The following TTC28 variants were observed in gnomAD, a reference collection of about 807,000 sequenced individuals.
TTC28 encodes tetratricopeptide repeat protein 28.
In TTC28, 61 loss-of-function variants were observed where a neutral mutation model predicts 198.0. That is an observed-to-expected ratio of 0.31 (90% confidence interval 0.25 to 0.38). The LOEUF (loss-of-function observed/expected upper bound fraction) is 0.38. Ranked by LOEUF, TTC28 falls within the 10% of genes least tolerant of loss-of-function variation. The pLI is 1.00. For synonymous variants in TTC28, 1,171 were observed against 1,297.8 expected (o/e 0.90, Z 2.10); for missense variants, 2,678 against 3,164.0 (o/e 0.85, Z 3.69).
At chr22:28,228,942 G>A (rs1027095353) in intron 5 of TTC28, among the ~76,000 whole-genome samples, 1 of 151,842 alleles carries the variant, frequency 6.6e-6, no homozygotes, top group African/African-American at 2.4e-5. Context: ...AGATCACAAG[G>A]TCAGGAGATC....
chr22:28,121,460 C>T (rs750623068), intron 6 of TTC28, among the ~76,000 whole-genome samples: 13 of 152,170 alleles, frequency 8.5e-5, no homozygotes, highest in East Asian at 1.9e-4. Context: ...CTTACAGCAA[C>T]GAGTGAGGAC....
At chr22:28,224,892 T>A (rs1001828457) in intron 5 of TTC28, among the ~76,000 whole-genome samples, 5 of 152,138 alleles carry the variant, frequency 3.3e-5, no homozygotes, top group Admixed American at 6.6e-5. Flanking sequence ...AATATGTTCA[T>A]AATGATTGTC....
At position 27,983,595 on chromosome 22, in the gene TTC28, G is replaced by C; in HGVS notation, c.6072C>G (p.Asp2024Glu). 1 of 1,549,796 alleles carries C rather than the reference G, an allele frequency of 6.5e-7. No homozygotes were observed. The highest frequency in any genetic ancestry group is 8.7e-7 in the Non-Finnish European group (1 of 1,146,226). ...GGGPGGRQDH[D>E]RSKNAYLQRS... is the part of the protein sequence containing the mutation. ...TCTGCAGGTAAGCGTTCTTGGACCG[G>C]TCATGGTCCTGCCGTCCTCCGGGGC... is the stretch of plus-strand genomic sequence containing the variant. The change falls in exon 23 of 23, where the codon GAC becomes GAG. Residue 2024 changes from aspartate (D) to glutamate (E), a missense_variant. Asp to Glu is a conservative substitution (Grantham distance 45, BLOSUM62 2). Around this residue, in one of 8 missense-constraint regions of TTC28, gnomAD observed 622 missense variants for 656.0 expected, o/e 0.95. Transcript: ENST00000397906.
At chr22:28,080,525 T>C (rs1941307890) in intron 12 of TTC28, among the ~76,000 whole-genome samples, 1 of 147,664 alleles carries the variant, frequency 6.8e-6, no homozygotes, top group Admixed American at 6.8e-5. Context: ...CATTTTTAAA[T>C]TGGATTTTGT....
intron 5 of TTC28, among the ~76,000 whole-genome samples, chr22:28,233,602 C>A (rs1002131012): frequency 6.6e-6 from 1 of 152,228 alleles, no homozygotes; most frequent in East Asian, 1.9e-4. Context: ...ACAGACTCAC[C>A]AGCAATACAT....
At chr22:28,538,880 G>C (rs2049353221) in intron 2 of TTC28, among the ~76,000 whole-genome samples, 1 of 151,872 alleles carries the variant, frequency 6.6e-6, no homozygotes, top group Non-Finnish European at 1.5e-5. Context: ...TTTTTATTTG[G>C]AACTATGTGC....
At position 28,013,696 on chromosome 22, in the gene TTC28, G is replaced by A. The variant is rs149444350; in HGVS notation, c.4218+552C>T. On this transcript the variant is annotated intron_variant, in intron 14 of 22. Transcript: ENST00000397906. ...TGGGGAAGCATTCATTCCCAGTAGG[G>A]TGTGGGCGCAAGGTGCAAAGAAGCC... Among the ~76,000 whole-genome samples the A allele has an allele frequency of 9.8e-4, 149 of 152,292 alleles. 1 individual carries two copies. The highest frequency in any genetic ancestry group is 3.4e-3 in the African/African-American group (142 of 41,548).
chr22:28,320,525 C>A (rs1278374992), intron 2 of TTC28, among the ~76,000 whole-genome samples: 1 of 152,156 alleles, frequency 6.6e-6, no homozygotes, highest in East Asian at 1.9e-4. Flanking sequence ...GCATTTTAGT[C>A]TTTTCTTTGG....
chr22:28,264,103 A>G (rs952700524), intron 5 of TTC28, among the ~76,000 whole-genome samples: 1 of 152,126 alleles, frequency 6.6e-6, no homozygotes, highest in African/African-American at 2.4e-5. Flanking sequence ...TCTCATCTTG[A>G]ATTATAGCTC....
chr22:28,405,856 C>T (rs530738932), intron 2 of TTC28, among the ~76,000 whole-genome samples: 2 of 152,364 alleles, frequency 1.3e-5, no homozygotes, highest in East Asian at 3.9e-4. Context: ...GAATACACCA[C>T]TTCATTTGCA....
chr22:28,577,771 T>C (rs576695393), intron 2 of TTC28, among the ~76,000 whole-genome samples: 1 of 152,300 alleles, frequency 6.6e-6, no homozygotes, highest in East Asian at 1.9e-4. Flanking sequence ...TTGTCTGATA[T>C]AAATATAGCT....
intron 5 of TTC28, among the ~76,000 whole-genome samples, chr22:28,226,738 T>A (rs1280214612): frequency 6.6e-6 from 1 of 152,220 alleles, no homozygotes; most frequent in Non-Finnish European, 1.5e-5. Context: ...ATGTTGAGCA[T>A]TTTTTAATGT....
chr22:28,213,987 C>A (rs1355880146), intron 5 of TTC28, among the ~76,000 whole-genome samples: 5 of 152,116 alleles, frequency 3.3e-5, no homozygotes, highest in Admixed American at 6.5e-5. Flanking sequence ...ATATCTACAA[C>A]CATCTGATCT....
chr22:28,101,802 AAAAAAAAAAAG>A (rs1162260980), intron 8 of TTC28, among the ~76,000 whole-genome samples: 1 of 150,794 alleles, frequency 6.6e-6, no homozygotes, highest in African/African-American at 2.4e-5. Context: ...AAAAAAAAAA[AAAAAAAAAAAG>A]AATACTAACA....
chr22:28,024,415 G>A (rs1311256521), intron 13 of TTC28, among the ~76,000 whole-genome samples: 4 of 152,158 alleles, frequency 2.6e-5, no homozygotes, highest in Non-Finnish European at 5.9e-5. Flanking sequence ...AGGGTGGGGG[G>A]AAAATGGAAC....
chr22:28,232,620 C>G (rs1928897880), intron 5 of TTC28: 1 of 152,328 alleles, frequency 6.6e-6, no homozygotes, highest in East Asian at 1.9e-4. Context: ...AAAACCACAA[C>G]TCAATGTAAT....
At chr22:28,278,932 G>C (rs2044525978) in intron 5 of TTC28, among the ~76,000 whole-genome samples, 1 of 152,140 alleles carries the variant, frequency 6.6e-6, no homozygotes, top group Non-Finnish European at 1.5e-5. Context: ...TTGTGAAGTG[G>C]TTTTCTTTTC....
At chr22:28,469,217 G>A (rs750118455) in intron 2 of TTC28, among the ~76,000 whole-genome samples, 11 of 152,134 alleles carry the variant, frequency 7.2e-5, no homozygotes, top group Non-Finnish European at 1.5e-4. Flanking sequence ...TTGTTAGTCC[G>A]AAGTATTCTC....
chr22:28,560,274 T>C (rs995640830), intron 2 of TTC28, among the ~76,000 whole-genome samples: 6 of 152,226 alleles, frequency 3.9e-5, no homozygotes, highest in Non-Finnish European at 7.3e-5. Context: ...ATTTCTTTCC[T>C]GGATTGCAGC....
Sources: gnomAD v4.1 joint callset for allele counts (sites outside exome capture counted in the v4.1 genomes callset) on GRCh38, gnomAD v4.1.1 for gene constraint, gnomAD v4.1.1 regional missense constraint, MANE v1.5 for transcripts, NCBI Gene and HGNC (gene_info 2026-07-23, HGNC 2026-07-21) for gene names.